The following SPRED2 variants were observed in gnomAD, a reference collection of about 807,000 sequenced individuals.
The protein encoded by SPRED2 is sprouty-related, EVH1 domain-containing protein 2.
A neutral mutation model predicts 43.0 loss-of-function variants in SPRED2; 47 were observed. The ratio of observed to expected loss-of-function variants is 1.09; its 90% confidence interval spans 0.87 to 1.40. The LOEUF (loss-of-function observed/expected upper bound fraction) is 1.40, where lower values mean the gene tolerates loss of function less well. Among genes scored for constraint, SPRED2 ranks in the 40% most tolerant of loss-of-function variants. The pLI, the probability that SPRED2 is intolerant of heterozygous loss-of-function variation, is 0.00. For synonymous variants in SPRED2, 225 were observed against 225.7 expected, an observed-to-expected ratio of 1.00 and a Z score of 0.03; for missense variants, 561 against 586.4, an observed-to-expected ratio of 0.96 and a Z score of 0.45.
chr2:65,388,459 G>A (rs563062147), intron 1 of SPRED2, among the ~76,000 whole-genome samples: 3 of 152,282 alleles, frequency 2.0e-5, no homozygotes, highest in African/African-American at 7.2e-5. Context: ...CCTGGGCCTT[G>A]AAAAATTAGC....
At chr2:65,328,469 C>T (rs1279498807) in intron 4 of SPRED2, among the ~76,000 whole-genome samples, 18 of 152,138 alleles carry the variant, frequency 1.2e-4, no homozygotes, top group Non-Finnish European at 2.5e-4. Context: ...CACTTCATCT[C>T]GCTGAGCTGT....
At chr2:65,381,724 G>C in intron 1 of SPRED2, among the ~76,000 whole-genome samples, 1 of 152,308 alleles carries the variant, frequency 6.6e-6, no homozygotes, top group East Asian at 1.9e-4. Context: ...CCTCAGCCCC[G>C]GTCCCTGAGC....
At chr2:65,357,701 T>C (rs1005514109) in intron 1 of SPRED2, among the ~76,000 whole-genome samples, 1 of 152,186 alleles carries the variant, frequency 6.6e-6, no homozygotes, top group Non-Finnish European at 1.5e-5. Flanking sequence ...GCAACACAGC[T>C]ACATGAAAAA....
Position 65,384,869 on chromosome 2 carries a change from A to C in SPRED2, c.27-39973T>G, listed in dbSNP as rs187612869. 2.7e-4 allele frequency among the ~76,000 whole-genome samples: 41 copies of C among 152,052 alleles called. 1 individual carries two copies. Among genetic ancestry groups the C allele is most frequent in the African/African-American group, 9.9e-4 (41 of 41,480 alleles). On this transcript the variant is annotated intron_variant, in intron 1 of 5. Transcript: ENST00000356388. ...CAGGCTCCTTGTTCATTGCCTGTTC[A>C]TTTCTGTGCCCTCCTCTCCACCTGT... is the stretch of plus-strand genomic sequence containing the variant.
At chr2:65,339,711 A>T (rs1674122397) in intron 2 of SPRED2, among the ~76,000 whole-genome samples, 1 of 116,766 alleles carries the variant, frequency 8.6e-6, no homozygotes. Flanking sequence ...ATAAAAAATA[A>T]AATAAAATTA....
intron 1 of SPRED2, among the ~76,000 whole-genome samples, chr2:65,359,648 G>A (rs1490284406): frequency 6.6e-6 from 1 of 152,162 alleles, no homozygotes; most frequent in African/African-American, 2.4e-5. Context: ...GACCACTGCT[G>A]GCTGGGCGCA....
At chr2:65,387,236 C>T (rs754231315) in intron 1 of SPRED2, among the ~76,000 whole-genome samples, 9 of 152,144 alleles carry the variant, frequency 5.9e-5, no homozygotes, top group East Asian at 1.9e-4. Flanking sequence ...CATTGCTGAC[C>T]GGAACAATCT....
chr2:65,327,369 A>C (rs1412064895), intron 4 of SPRED2, among the ~76,000 whole-genome samples: 3 of 152,198 alleles, frequency 2.0e-5, no homozygotes, highest in Non-Finnish European at 2.9e-5. Flanking sequence ...TATGTAAATA[A>C]AGCAAGACAC....
Position 65,344,834 on chromosome 2 carries a change from C to G in SPRED2, c.89G>C (p.Trp30Ser). Reference protein sequence around the residue: ...VMTRDDSSGGWFPQEGGGISR... With the variant: ...VMTRDDSSGGSFPQEGGGISR... ...GATCCCGCCTCCTTCCTGTGGGAACCATCCCCCGCTGGAGTCATCTCTGGT... is the reference window on the plus strand; with the variant it reads ...GATCCCGCCTCCTTCCTGTGGGAACGATCCCCCGCTGGAGTCATCTCTGGT... The change falls in exon 2 of 6, where the codon TGG becomes TCG. Residue 30 changes from tryptophan (W) to serine (S), a missense_variant. Coordinates refer to ENST00000356388, the MANE Select transcript of SPRED2 (RefSeq NM_181784.3). 1 of 1,614,148 alleles carries G rather than the reference C, an allele frequency of 6.2e-7. No individual in the cohort carries two copies. Among genetic ancestry groups the G allele is most frequent in the Non-Finnish European group, 8.5e-7 (1 of 1,180,030 alleles).
At chr2:65,428,357 C>CTTA (rs1676603408) in intron 1 of SPRED2, among the ~76,000 whole-genome samples, 1 of 152,224 alleles carries the variant, frequency 6.6e-6, no homozygotes, top group East Asian at 1.9e-4. Flanking sequence ...AGCCTTAAGC[C>CTTA]TTAAATACAC....
intron 1 of SPRED2, among the ~76,000 whole-genome samples, chr2:65,411,501 G>A (rs1676158516): frequency 6.6e-6 from 1 of 152,190 alleles, no homozygotes; most frequent in African/African-American, 2.4e-5. Context: ...CATAGGTTGT[G>A]TGAAGTAAAT....
chr2:65,310,245 T>C (rs537991472), downstream of SPRED2, among the ~76,000 whole-genome samples: 73 of 152,206 alleles, frequency 4.8e-4, no homozygotes, highest in Middle Eastern at 6.8e-3. Context: ...ATATATCTCC[T>C]TTTAAGGGCC....
chr2:65,341,345 TGG>T (rs2104252202), intron 2 of SPRED2, among the ~76,000 whole-genome samples: 1 of 139,396 alleles, frequency 7.2e-6, no homozygotes, highest in Non-Finnish European at 1.6e-5. Flanking sequence ...GGAAAAGGGG[TGG>T]GGAAATGGAG....
intron 1 of SPRED2, among the ~76,000 whole-genome samples, chr2:65,365,354 A>T (rs958782799): frequency 6.6e-6 from 1 of 151,990 alleles, no homozygotes; most frequent in African/African-American, 2.4e-5. Context: ...ACAGAAACAA[A>T]CTCCCTTCAT....
intron 1 of SPRED2, among the ~76,000 whole-genome samples, chr2:65,399,185 G>A (rs889946918): frequency 1.7e-4 from 25 of 150,582 alleles, no homozygotes; most frequent in African/African-American, 6.1e-4. Flanking sequence ...TAGGAGAATC[G>A]CTTGAAGCTG....
At chr2:65,349,241 G>A (rs1271611166) in intron 1 of SPRED2, among the ~76,000 whole-genome samples, 3 of 149,340 alleles carry the variant, frequency 2.0e-5, no homozygotes, top group South Asian at 4.3e-4. Context: ...CCCAGGAGGT[G>A]GAGGTTGCAG....
chr2:65,345,259 G>GTTTTTTTTTTTTT (rs66991368), intron 1 of SPRED2, among the ~76,000 whole-genome samples: 6 of 111,378 alleles, frequency 5.4e-5, no homozygotes, highest in East Asian at 3.6e-4. Context: ...TTTAGTTGTT[G>GTTTTTTTTTTTTT]TTTTTTTTTT....
At chr2:65,332,927 C>CT (rs1673856149) in intron 3 of SPRED2, among the ~76,000 whole-genome samples, 1 of 152,148 alleles carries the variant, frequency 6.6e-6, no homozygotes, top group Non-Finnish European at 1.5e-5. Context: ...AATTTATTCT[C>CT]TATCTTTTCC....
intron 1 of SPRED2, among the ~76,000 whole-genome samples, chr2:65,416,663 T>C (rs946163697): frequency 2.0e-5 from 3 of 152,206 alleles, no homozygotes; most frequent in Non-Finnish European, 4.4e-5. Flanking sequence ...AATTTTGTTA[T>C]CCCAACGGGA....
Sources: gnomAD v4.1 joint callset for allele counts (sites outside exome capture counted in the v4.1 genomes callset) on GRCh38, gnomAD v4.1.1 for gene constraint, MANE v1.5 for transcripts, NCBI Gene and HGNC (gene_info 2026-07-23, HGNC 2026-07-21) for gene names.